The following IMMP2L variants were observed in gnomAD, a reference collection of about 807,000 sequenced individuals.
IMMP2L encodes the protein inner mitochondrial membrane peptidase subunit 2.
A neutral mutation model predicts 19.3 loss-of-function variants in IMMP2L; 18 were observed. The ratio of observed to expected loss-of-function variants is 0.93; its 90% CI spans 0.64 to 1.38. The LOEUF (loss-of-function observed/expected upper bound fraction) is 1.38, where lower values mean the gene tolerates loss of function less well. IMMP2L is among the 40% of genes most tolerant of loss of function. The probability of loss-of-function intolerance (pLI) is 0.00; values close to 1 mark genes in which losing one functional copy is unlikely to be tolerated. For synonymous variants in IMMP2L, 76 were observed against 73.0 expected (o/e 1.04, Z -0.21); for missense variants, 233 against 218.2 (o/e 1.07, Z -0.43).
intron 4 of IMMP2L, among the ~76,000 whole-genome samples, chr7:110,903,044 G>A (rs1480539276): frequency 1.3e-5 from 2 of 151,846 alleles, no homozygotes; most frequent in Non-Finnish European, 2.9e-5. Flanking sequence ...TTATCCTTCT[G>A]AAACTAGCAG....
intron 5 of IMMP2L, among the ~76,000 whole-genome samples, chr7:110,688,233 A>G (rs996442308): frequency 6.6e-6 from 1 of 152,068 alleles, no homozygotes; most frequent in Non-Finnish European, 1.5e-5. Context: ...TTGTAAGCAA[A>G]ATAAAAGTGT....
At chr7:110,980,829 C>A (rs1478736042) in intron 3 of IMMP2L, among the ~76,000 whole-genome samples, 1 of 152,048 alleles carries the variant, frequency 6.6e-6, no homozygotes, top group Non-Finnish European at 1.5e-5. Flanking sequence ...CTATGCTATT[C>A]CAAAATAAAT....
chr7:111,148,877 A>G (rs538476109), intron 3 of IMMP2L, among the ~76,000 whole-genome samples: 2 of 152,176 alleles, frequency 1.3e-5, no homozygotes, highest in East Asian at 3.9e-4. Flanking sequence ...CTTCATGTGG[A>G]ATAACTCACT....
At chr7:111,306,071 T>C (rs989698982) in intron 3 of IMMP2L, among the ~76,000 whole-genome samples, 2 of 152,206 alleles carry the variant, frequency 1.3e-5, no homozygotes, top group Admixed American at 1.3e-4. Context: ...ATAAAATTTA[T>C]ATCAAAATGT....
intron 5 of IMMP2L, among the ~76,000 whole-genome samples, chr7:110,885,114 C>G (rs560612598): frequency 5.3e-5 from 8 of 151,862 alleles, no homozygotes; most frequent in Admixed American, 3.9e-4. Flanking sequence ...TCAATATTAA[C>G]TTATACAAGT....
intron 3 of IMMP2L, among the ~76,000 whole-genome samples, chr7:111,007,666 T>C (rs887758792): frequency 1.3e-5 from 2 of 152,086 alleles, no homozygotes; most frequent in African/African-American, 2.4e-5. Flanking sequence ...TGTACACATA[T>C]AGACATGTAT....
At chr7:111,319,051 C>G (rs1237349220) in intron 3 of IMMP2L, among the ~76,000 whole-genome samples, 1 of 152,068 alleles carries the variant, frequency 6.6e-6, no homozygotes, top group Non-Finnish European at 1.5e-5. Flanking sequence ...TCCTGGTAAT[C>G]AGAAAATCAC....
intron 1 of IMMP2L, among the ~76,000 whole-genome samples, chr7:111,557,902 T>TTAA (rs1392991933): frequency 6.6e-6 from 1 of 151,808 alleles, no homozygotes; most frequent in Non-Finnish European, 1.5e-5. Flanking sequence ...CAACTGGACT[T>TTAA]TGAGTATAGA....
chr7:111,534,670 T>C (rs368655958), intron 1 of IMMP2L, among the ~76,000 whole-genome samples: 9 of 152,182 alleles, frequency 5.9e-5, no homozygotes, highest in South Asian at 2.1e-4. Context: ...AATTAGCTCA[T>C]ATATAGGAAA....
intron 4 of IMMP2L, among the ~76,000 whole-genome samples, chr7:110,898,901 A>G (rs1268952669): frequency 6.6e-6 from 1 of 151,984 alleles, no homozygotes; most frequent in African/African-American, 2.4e-5. Context: ...AAGCTCAGGA[A>G]ACCTGCCTTT....
At chr7:111,192,083 A>T (rs1282894121) in intron 3 of IMMP2L, among the ~76,000 whole-genome samples, 3 of 152,136 alleles carry the variant, frequency 2.0e-5, no homozygotes, top group Non-Finnish European at 4.4e-5. Context: ...TATCACTTAG[A>T]GTTTGGGTGA....
At chr7:111,043,509 TATCTTCTCC>T (rs1217374797) in intron 3 of IMMP2L, among the ~76,000 whole-genome samples, 2 of 152,354 alleles carry the variant, frequency 1.3e-5, no homozygotes, top group East Asian at 3.9e-4. Context: ...TGCACAGTTT[TATCTTCTCC>T]ATCTTAGCTG....
At chr7:111,408,208 G>A (rs182191950) in intron 3 of IMMP2L, among the ~76,000 whole-genome samples, 1 of 149,458 alleles carries the variant, frequency 6.7e-6, no homozygotes, top group Admixed American at 6.6e-5. Flanking sequence ...GCGTATTTAA[G>A]ATTTTCCAAT....
chr7:111,207,327 A>G (rs533140291), intron 3 of IMMP2L, among the ~76,000 whole-genome samples: 5 of 152,248 alleles, frequency 3.3e-5, no homozygotes, highest in Admixed American at 6.5e-5. Flanking sequence ...AGAAGATTTG[A>G]GATTATAGCC....
intron 4 of IMMP2L, among the ~76,000 whole-genome samples, chr7:110,909,981 G>T (rs943688102): frequency 6.6e-6 from 1 of 151,384 alleles, no homozygotes; most frequent in African/African-American, 2.4e-5. Context: ...GCCAAGGAAG[G>T]AGATAGAATA....
intron 3 of IMMP2L, among the ~76,000 whole-genome samples, chr7:111,122,030 G>A (rs1364401822): frequency 6.8e-6 from 1 of 147,708 alleles, no homozygotes; most frequent in Non-Finnish European, 1.5e-5. Context: ...ACTGAACAAT[G>A]AGAACACATG....
intron 3 of IMMP2L, among the ~76,000 whole-genome samples, chr7:111,395,978 A>C (rs1832826580): frequency 6.6e-6 from 1 of 152,152 alleles, no homozygotes; most frequent in African/African-American, 2.4e-5. Context: ...AAAGTCAGGA[A>C]ACAACAGATG....
At chr7:110,932,711 C>T (rs1425009244) in intron 4 of IMMP2L, among the ~76,000 whole-genome samples, 2 of 151,942 alleles carry the variant, frequency 1.3e-5, no homozygotes, top group Non-Finnish European at 2.9e-5. Context: ...GATATTTTTG[C>T]CTTTGCAAAA....
intron 5 of IMMP2L, among the ~76,000 whole-genome samples, chr7:110,853,034 A>G (rs1466675049): frequency 6.6e-6 from 1 of 152,030 alleles, no homozygotes; most frequent in Non-Finnish European, 1.5e-5. Context: ...GATTACTAGA[A>G]CAACATGGGA....
Sources: gnomAD v4.1 joint callset for allele counts (sites outside exome capture counted in the v4.1 genomes callset) on GRCh38, gnomAD v4.1.1 for gene constraint, MANE v1.5 for transcripts, NCBI Gene and HGNC (gene_info 2026-07-23, HGNC 2026-07-21) for gene names.